The following RIMS1 variants were observed in gnomAD, a reference collection of about 807,000 sequenced individuals.
The protein encoded by RIMS1 is regulating synaptic membrane exocytosis protein 1.
In RIMS1, 83 loss-of-function variants were observed where a neutral mutation model predicts 214.1. The ratio of observed to expected loss-of-function variants is 0.39; its 90% confidence interval spans 0.32 to 0.47. RIMS1 has a LOEUF of 0.47. Among genes scored for constraint, RIMS1 ranks in the 20% least tolerant of loss-of-function variants. The pLI, the probability that RIMS1 is intolerant of heterozygous loss-of-function variation, is 0.99. For synonymous variants in RIMS1, 793 were observed against 786.8 expected (o/e 1.01, Z -0.13); for missense variants, 2,050 against 2,161.8 (o/e 0.95, Z 1.03).
At chr6:72,288,870 C>A (rs1439061346) in intron 24 of RIMS1, among the ~76,000 whole-genome samples, 1 of 141,908 alleles carries the variant, frequency 7.0e-6, no homozygotes, top group Admixed American at 6.9e-5. Flanking sequence ...TATTGAGGGA[C>A]TTTTCATGTC....
At chr6:72,380,051 T>C (rs2098458837) in intron 29 of RIMS1, among the ~76,000 whole-genome samples, 1 of 152,200 alleles carries the variant, frequency 6.6e-6, no homozygotes, top group Non-Finnish European at 1.5e-5. Flanking sequence ...ATATACACCA[T>C]GGAATACTTG....
intron 29 of RIMS1, among the ~76,000 whole-genome samples, chr6:72,365,491 A>G (rs958318136): frequency 6.6e-6 from 1 of 152,200 alleles, no homozygotes; most frequent in Non-Finnish European, 1.5e-5. Flanking sequence ...CCAAAATATC[A>G]CTTGCAGTTT....
chr6:72,069,367 C>T (rs1246421979), intron 2 of RIMS1, among the ~76,000 whole-genome samples: 1 of 152,210 alleles, frequency 6.6e-6, no homozygotes, highest in Non-Finnish European at 1.5e-5. Context: ...AACTGTAGCT[C>T]ACTGTCCAGC....
intron 2 of RIMS1, among the ~76,000 whole-genome samples, chr6:72,051,444 C>T (rs547457588): frequency 6.6e-6 from 1 of 152,284 alleles, no homozygotes; most frequent in South Asian, 2.1e-4. Context: ...TGTCCAAGGT[C>T]ACACGCTAGT....
intron 22 of RIMS1, among the ~76,000 whole-genome samples, chr6:72,269,879 A>G (rs550481873): frequency 1.3e-5 from 2 of 152,220 alleles, no homozygotes; most frequent in East Asian, 1.9e-4. Context: ...TCACTGTTCA[A>G]AAATACAGGT....
intron 2 of RIMS1, among the ~76,000 whole-genome samples, chr6:72,055,510 C>T (rs940941052): frequency 1.3e-5 from 2 of 152,098 alleles, no homozygotes; most frequent in Non-Finnish European, 2.9e-5. Flanking sequence ...TTTTCTCTTC[C>T]CTTATTGCTC....
chr6:72,024,900 GTTTTTT>G (rs777214787), intron 2 of RIMS1, among the ~76,000 whole-genome samples: 7 of 98,666 alleles, frequency 7.1e-5, no homozygotes, highest in African/African-American at 2.3e-4. Flanking sequence ...AAATCTGTGG[GTTTTTT>G]TTTTTTTTTT....
chr6:72,260,768 G>C lies in RIMS1; in HGVS notation c.3116+1G>C. On this transcript the variant is annotated splice_donor_variant, in intron 19 of 33. Coordinates refer to ENST00000521978, the MANE Select transcript of RIMS1 (RefSeq NM_014989.7). LOFTEE classifies it high-confidence loss of function. ...GTGCAGAATGCCTACATACTACCAGGTAAATACAGGGATTTGGTAATGGTG... is the reference window on the plus strand; with the variant it reads ...GTGCAGAATGCCTACATACTACCAGCTAAATACAGGGATTTGGTAATGGTG... The C allele has an allele frequency of 1.2e-6, 2 of 1,611,884 alleles. No individual in the cohort carries two copies. Among genetic ancestry groups the C allele is most frequent in the East Asian group, 2.2e-5 (1 of 44,826 alleles).
chr6:72,294,493 C>T (rs2093832910), intron 26 of RIMS1, among the ~76,000 whole-genome samples: 5 of 151,614 alleles, frequency 3.3e-5, no homozygotes, highest in Admixed American at 3.3e-4. Flanking sequence ...TTGGTAAGAA[C>T]AAATATTTCA....
At chr6:71,942,336 A>G (rs1281126026) in intron 1 of RIMS1, among the ~76,000 whole-genome samples, 1 of 152,228 alleles carries the variant, frequency 6.6e-6, no homozygotes, top group Non-Finnish European at 1.5e-5. Context: ...ATAGAGAGGA[A>G]TCATTTAGGT....
chr6:72,153,507 G>A (rs2044016030), intron 4 of RIMS1, among the ~76,000 whole-genome samples: 1 of 151,864 alleles, frequency 6.6e-6, no homozygotes, highest in Non-Finnish European at 1.5e-5. Context: ...ATGTTTACAT[G>A]GCCATGTTCT....
chr6:72,055,116 C>T (rs187194240), intron 2 of RIMS1, among the ~76,000 whole-genome samples: 195 of 152,078 alleles, frequency 1.3e-3, no homozygotes, highest in African/African-American at 4.6e-3. Flanking sequence ...TGTAATGTCC[C>T]TCTATTATTT....
At position 72,182,671 on chromosome 6, in the gene RIMS1, G is replaced by T. The variant is rs759913872; in HGVS notation, c.1200G>T (p.Ala400=). Residue 400 remains alanine (A), a synonymous_variant, in exon 6 of 34, where the codon GCG becomes GCT. Transcript: ENST00000521978. ...HSDVALPRTE[A]GAALPEGKAG... ...ACGTGGCGCTCCCGCGCACCGAGGC[G>T]GGCGCGGCGCTGCCGGAGGGCAAGG... The T allele has an allele frequency of 6.2e-6, 9 of 1,445,788 alleles. No individual in the cohort carries two copies. The highest frequency in any genetic ancestry group is 8.1e-6 in the Non-Finnish European group (9 of 1,105,456). 89.6% of individuals were successfully genotyped at this position (1,445,788 alleles called of 1,614,324 possible). A position where few individuals can be genotyped will look rare whatever the true frequency, so the allele number is the denominator to read the frequency against.
chr6:72,030,245 A>G (rs955807668), intron 2 of RIMS1, among the ~76,000 whole-genome samples: 1 of 152,150 alleles, frequency 6.6e-6, no homozygotes, highest in Non-Finnish European at 1.5e-5. Context: ...GCTTCAGGTA[A>G]TGTGATGCTG....
intron 1 of RIMS1, among the ~76,000 whole-genome samples, chr6:71,941,458 A>T (rs1280944865): frequency 6.6e-6 from 1 of 152,040 alleles, no homozygotes; most frequent in African/African-American, 2.4e-5. Context: ...TCCATGTTTT[A>T]TTTACATTTC....
intron 31 of RIMS1, among the ~76,000 whole-genome samples, chr6:72,395,361 C>A (rs1176236710): frequency 6.6e-6 from 1 of 151,978 alleles, no homozygotes; most frequent in African/African-American, 2.4e-5. Flanking sequence ...CATGCAATTT[C>A]AGGACATCAT....
At chr6:72,374,331 G>C (rs1052161520) in intron 29 of RIMS1, among the ~76,000 whole-genome samples, 1 of 152,108 alleles carries the variant, frequency 6.6e-6, no homozygotes, top group Non-Finnish European at 1.5e-5. Context: ...TTGTTATTTA[G>C]TACCTATTCT....
chr6:72,129,041 C>T, intron 4 of RIMS1, among the ~76,000 whole-genome samples: 1 of 152,114 alleles, frequency 6.6e-6, no homozygotes, highest in Non-Finnish European at 1.5e-5. Context: ...ACAAATTTTA[C>T]AGATGTTTCC....
chr6:72,258,672 G>T (rs1054472944), intron 17 of RIMS1, among the ~76,000 whole-genome samples: 7 of 152,076 alleles, frequency 4.6e-5, no homozygotes, highest in Non-Finnish European at 7.4e-5. Context: ...CACTTTAAAT[G>T]CTTGGAAACA....
Sources: gnomAD v4.1 joint callset for allele counts (sites outside exome capture counted in the v4.1 genomes callset) on GRCh38, gnomAD v4.1.1 for gene constraint, MANE v1.5 for transcripts, NCBI Gene and HGNC (gene_info 2026-07-23, HGNC 2026-07-21) for gene names.